FNIP1: variants seen among roughly 807,000 people sequenced by gnomAD.
The protein encoded by FNIP1 is folliculin-interacting protein 1.
In FNIP1, 40 loss-of-function variants were observed where a neutral mutation model predicts 124.5. The ratio of observed to expected loss-of-function variants is 0.32; its 90% confidence interval spans 0.25 to 0.42. FNIP1 has a LOEUF of 0.42. Among genes scored for constraint, FNIP1 ranks in the 10% least tolerant of loss-of-function variants. FNIP1 has a pLI of 1.00. For synonymous variants in FNIP1, 472 were observed against 470.6 expected, an observed-to-expected ratio of 1.00 and a Z score of -0.04; for missense variants, 1,176 against 1,403.7, an observed-to-expected ratio of 0.84 and a Z score of 2.59.
chr5:131,729,122 C>T lies in FNIP1; in HGVS notation c.354+1782G>A, dbSNP rs561009960. Reference sequence around the variant, plus strand: ...TCTCCTGTATGTGATGTCTGTTGACCACCGCTGGGAGGTATCTCCCAGTGA... The same window carrying T: ...TCTCCTGTATGTGATGTCTGTTGACTACCGCTGGGAGGTATCTCCCAGTGA... On this transcript the variant is annotated intron_variant, in intron 3 of 17. Transcript: ENST00000510461. Among the ~76,000 whole-genome samples the T allele has an allele frequency of 1.2e-3, 178 of 152,226 alleles. 1 individual carries two copies. The highest frequency in any genetic ancestry group is 4.1e-3 in the African/African-American group (172 of 41,538).
At chr5:131,689,704 C>T (rs963875028) in intron 11 of FNIP1, among the ~76,000 whole-genome samples, 1 of 151,902 alleles carries the variant, frequency 6.6e-6, no homozygotes, top group African/African-American at 2.4e-5. Flanking sequence ...AAAATGGAAG[C>T]GTTTAACTGC....
chr5:131,671,462 A>C, intron 14 of FNIP1, 43 bp downstream of exon 14: 1 of 1,427,254 alleles, frequency 7.0e-7, no homozygotes, highest in Non-Finnish European at 9.5e-7. Flanking sequence ...AGAATGGTAC[A>C]TATTTATATA....
chr5:131,667,346 C>T (rs1221572143), intron 15 of FNIP1, among the ~76,000 whole-genome samples: 1 of 152,162 alleles, frequency 6.6e-6, no homozygotes, highest in Non-Finnish European at 1.5e-5. Flanking sequence ...GGCAAACTAG[C>T]CTTTAAATAT....
intron 10 of FNIP1, 54 bp from the exon 11 acceptor site, chr5:131,699,056 T>A (rs759067787): frequency 8.9e-6 from 13 of 1,452,602 alleles, no homozygotes; most frequent in Non-Finnish European, 1.0e-5. Context: ...GAGCAAAACA[T>A]GGAAAAAAGT....
At chr5:131,753,351 A>C (rs2108871) in intron 1 of FNIP1, among the ~76,000 whole-genome samples, 119,317 of 152,132 alleles carry the variant, frequency 0.78, 47,025 homozygotes, top group African/African-American at 0.83. Context: ...TTTTATTTAA[A>C]CCCAAATGCC....
At chr5:131,649,641 T>A (rs1346155312) in intron 16 of FNIP1, among the ~76,000 whole-genome samples, 1 of 152,200 alleles carries the variant, frequency 6.6e-6, no homozygotes, top group South Asian at 2.1e-4. Context: ...ACAAAAGTTT[T>A]TAATTTGATG....
At chr5:131,780,525 T>C (rs956828047) in intron 1 of FNIP1, among the ~76,000 whole-genome samples, 1 of 152,212 alleles carries the variant, frequency 6.6e-6, no homozygotes, top group African/African-American at 2.4e-5. Flanking sequence ...GGCAACTCTG[T>C]GTTGGTTCCA....
intron 15 of FNIP1, among the ~76,000 whole-genome samples, chr5:131,669,673 T>C (rs1461160907): frequency 6.6e-6 from 1 of 151,776 alleles, no homozygotes; most frequent in Non-Finnish European, 1.5e-5. Flanking sequence ...AACCAAACCG[T>C]CTCAAAACTA....
intron 11 of FNIP1, among the ~76,000 whole-genome samples, chr5:131,694,110 T>G (rs1768609084): frequency 6.6e-6 from 1 of 152,206 alleles, no homozygotes; most frequent in Admixed American, 6.5e-5. Flanking sequence ...GAACTCTCAC[T>G]AATTGCTGGT....
chr5:131,676,931 A>G (rs1767929209), intron 13 of FNIP1, among the ~76,000 whole-genome samples: 1 of 152,182 alleles, frequency 6.6e-6, no homozygotes, highest in African/African-American at 2.4e-5. Context: ...AGAGCAACCT[A>G]AGGAAAGTTA....
chr5:131,756,501 G>T (rs940713319), intron 1 of FNIP1, among the ~76,000 whole-genome samples: 4 of 152,112 alleles, frequency 2.6e-5, no homozygotes, highest in African/African-American at 9.7e-5. Context: ...TTTCCAAGTT[G>T]AGGGGAAGGA....
chr5:131,779,084 C>A (rs1580832565), intron 1 of FNIP1, among the ~76,000 whole-genome samples: 1 of 134,316 alleles, frequency 7.4e-6, no homozygotes, highest in Admixed American at 7.5e-5. Flanking sequence ...CAGCATGGCA[C>A]ATGTATACAT....
intron 15 of FNIP1, among the ~76,000 whole-genome samples, chr5:131,659,351 C>T (rs1561641047): frequency 1.3e-5 from 2 of 152,170 alleles, no homozygotes; most frequent in African/African-American, 2.4e-5. Context: ...CTCAGGGCAG[C>T]AGGATAGCTC....
chr5:131,729,572 C>T (rs1770005962), intron 3 of FNIP1, among the ~76,000 whole-genome samples: 1 of 152,180 alleles, frequency 6.6e-6, no homozygotes, highest in Non-Finnish European at 1.5e-5. Flanking sequence ...ATCTTGCCAG[C>T]CACCCTATAT....
intron 11 of FNIP1, among the ~76,000 whole-genome samples, chr5:131,690,329 G>T (rs980650083): frequency 6.6e-6 from 1 of 152,100 alleles, no homozygotes; most frequent in African/African-American, 2.4e-5. Context: ...AACCGATAAG[G>T]TTAGGCTTTG....
At chr5:131,794,929 C>G (rs980879830) in intron 1 of FNIP1, among the ~76,000 whole-genome samples, 3 of 152,206 alleles carry the variant, frequency 2.0e-5, no homozygotes, top group Non-Finnish European at 4.4e-5. Context: ...TCTAAAACTT[C>G]ATGGGGGTGG....
At chr5:131,753,376 A>C (rs916093230) in intron 1 of FNIP1, among the ~76,000 whole-genome samples, 1 of 152,256 alleles carries the variant, frequency 6.6e-6, no homozygotes, top group Admixed American at 6.5e-5. Flanking sequence ...AGAATGGATA[A>C]ACAAACTACG....
intron 13 of FNIP1, among the ~76,000 whole-genome samples, chr5:131,676,023 TA>T: frequency 6.6e-6 from 1 of 151,264 alleles, no homozygotes; most frequent in South Asian, 2.1e-4. Flanking sequence ...CACGCCCAGC[TA>T]ATTTTTTTTT....
intron 1 of FNIP1, among the ~76,000 whole-genome samples, chr5:131,750,402 G>A (rs1770831670): frequency 2.0e-5 from 3 of 152,048 alleles, no homozygotes; most frequent in Admixed American, 2.0e-4. Context: ...AGGTAGAATA[G>A]CTCATTTAAT....
Sources: gnomAD v4.1 joint callset for allele counts (sites outside exome capture counted in the v4.1 genomes callset) on GRCh38, gnomAD v4.1.1 for gene constraint, MANE v1.5 for transcripts, NCBI Gene and HGNC (gene_info 2026-07-23, HGNC 2026-07-21) for gene names.